Variants in DMRT1 observed in about 807,000 individuals in gnomAD.
The protein encoded by DMRT1 is doublesex- and mab-3-related transcription factor 1.
In DMRT1, 7 loss-of-function variants were observed where a neutral mutation model predicts 32.3. The observed-to-expected ratio is 0.22, with a 90% CI of 0.12 to 0.41. The LOEUF is 0.41. Ranked by LOEUF, DMRT1 falls within the 10% of genes least tolerant of loss-of-function variation. The probability of loss-of-function intolerance (pLI) is 1.00; values close to 1 mark genes in which losing one functional copy is unlikely to be tolerated. For synonymous variants in DMRT1, 278 were observed against 206.1 expected (o/e 1.35, Z -2.99); for missense variants, 625 against 500.5 (o/e 1.25, Z -2.37).
At chr9:919,850 A>G (rs964825904) in intron 4 of DMRT1, among the ~76,000 whole-genome samples, 1 of 152,210 alleles carries the variant, frequency 6.6e-6, no homozygotes, top group Non-Finnish European at 1.5e-5. Context: ...TATTTTAAAG[A>G]TAGAACCAAC....
rs1838698425 is a variant in DMRT1 at position 841,924 on chromosome 9, G to C, written c.86G>C (p.Gly29Ala). 1.3e-5 allele frequency: 21 copies of C among 1,607,284 alleles called. 1 individual carries two copies. Among genetic ancestry groups the C allele is most frequent in the Non-Finnish European group, 1.8e-5 (21 of 1,177,004 alleles). Residue 29 changes from glycine (G) to alanine (A), a missense_variant, in exon 1 of 5, where the codon GGG (glycine) becomes GCG (alanine). Gly to Ala is a moderately conservative substitution (Grantham distance 60). Coordinates refer to ENST00000382276, the MANE Select transcript of DMRT1 (RefSeq NM_021951.3). ...GGGGTACCGCCGCAGGGCAGAGCCG[G>C]GGGCTTTGGCAAAGCGTCTGGGGCG... ...APGVPPQGRA[G>A]GFGKASGALV... is the part of the protein sequence containing the mutation.
intron 4 of DMRT1, among the ~76,000 whole-genome samples, chr9:948,657 G>A (rs1282008450): frequency 1.3e-5 from 2 of 152,076 alleles, no homozygotes; most frequent in Non-Finnish European, 2.9e-5. Flanking sequence ...AGCTTACACT[G>A]TGTTGACTGA....
chr9:916,053 T>C (rs937358615), intron 3 of DMRT1, among the ~76,000 whole-genome samples: 10 of 152,174 alleles, frequency 6.6e-5, no homozygotes, highest in African/African-American at 2.4e-4. Flanking sequence ...TTAAATACTC[T>C]CCTTATATGA....
chr9:883,352 G>A (rs780919689), intron 2 of DMRT1, among the ~76,000 whole-genome samples: 3 of 151,988 alleles, frequency 2.0e-5, no homozygotes, highest in African/African-American at 4.8e-5. Flanking sequence ...CTACAGGAGC[G>A]ACACTAGTGA....
intron 2 of DMRT1, among the ~76,000 whole-genome samples, chr9:864,713 G>A (rs1173047671): frequency 6.7e-6 from 1 of 149,474 alleles, no homozygotes; most frequent in Non-Finnish European, 1.5e-5. Context: ...TGTTAGCCAG[G>A]ATGGTCTCCA....
intron 3 of DMRT1, among the ~76,000 whole-genome samples, chr9:911,160 G>A (rs532005811): frequency 6.6e-6 from 1 of 151,990 alleles, no homozygotes; most frequent in Non-Finnish European, 1.5e-5. Flanking sequence ...GGGAATTGTG[G>A]GACACTACAC....
intron 4 of DMRT1, among the ~76,000 whole-genome samples, chr9:928,977 A>G (rs1818620915): frequency 6.6e-6 from 1 of 151,822 alleles, no homozygotes; most frequent in African/African-American, 2.4e-5. Context: ...AGCTGGGACT[A>G]CAGGTGCATG....
chr9:957,212 T>C (rs1234273413), intron 4 of DMRT1, among the ~76,000 whole-genome samples: 3 of 152,224 alleles, frequency 2.0e-5, no homozygotes, highest in East Asian at 3.9e-4. Context: ...TGAGCTCACC[T>C]GTCCTGAAAC....
intron 4 of DMRT1, among the ~76,000 whole-genome samples, chr9:945,053 A>G (rs1819197976): frequency 6.6e-6 from 1 of 152,256 alleles, no homozygotes; most frequent in African/African-American, 2.4e-5. Flanking sequence ...AGTTTTATCC[A>G]CAAATTAGAT....
chr9:868,687 G>A (rs1564209697), intron 2 of DMRT1, among the ~76,000 whole-genome samples: 1 of 152,206 alleles, frequency 6.6e-6, no homozygotes. Flanking sequence ...GAATTGCAGA[G>A]TATACTTAAA....
intron 4 of DMRT1, among the ~76,000 whole-genome samples, chr9:942,410 A>C (rs1391634828): frequency 6.6e-6 from 1 of 152,122 alleles, no homozygotes; most frequent in Non-Finnish European, 1.5e-5. Context: ...AGTAGCTGGG[A>C]CTACAGGCGC....
At chr9:882,281 CTG>C (rs754963216) in intron 2 of DMRT1, among the ~76,000 whole-genome samples, 8 of 152,206 alleles carry the variant, frequency 5.3e-5, no homozygotes, top group Non-Finnish European at 1.2e-4. Flanking sequence ...TTGCATACCA[CTG>C]TGCCAGGAGC....
chr9:923,206 C>T (rs1044468412), intron 4 of DMRT1, among the ~76,000 whole-genome samples: 2 of 152,174 alleles, frequency 1.3e-5, no homozygotes, highest in African/African-American at 4.8e-5. Flanking sequence ...CCCAAGTTTG[C>T]AGGTGAGAAA....
intron 4 of DMRT1, among the ~76,000 whole-genome samples, chr9:939,151 C>T (rs1289228422): frequency 2.0e-5 from 3 of 152,256 alleles, no homozygotes; most frequent in African/African-American, 7.2e-5. Flanking sequence ...TTTAGTGGAT[C>T]CTGACCTAGC....
At chr9:872,098 G>A (rs1816292935) in intron 2 of DMRT1, among the ~76,000 whole-genome samples, 1 of 151,048 alleles carries the variant, frequency 6.6e-6, no homozygotes, top group Admixed American at 6.6e-5. Flanking sequence ...ATCTCACTCT[G>A]TCACCCAGGC....
At chr9:883,823 C>A (rs538252807) in intron 2 of DMRT1, among the ~76,000 whole-genome samples, 1 of 151,572 alleles carries the variant, frequency 6.6e-6, no homozygotes, top group Non-Finnish European at 1.5e-5. Context: ...AAACAACTTA[C>A]GCTTTTGCTA....
chr9:874,572 C>T (rs1386783100), intron 2 of DMRT1, among the ~76,000 whole-genome samples: 2 of 152,074 alleles, frequency 1.3e-5, no homozygotes, highest in African/African-American at 4.8e-5. Context: ...CCATAAACTC[C>T]CTGCTCCTAG....
intron 2 of DMRT1, among the ~76,000 whole-genome samples, chr9:880,277 T>G (rs1816678642): frequency 6.6e-6 from 1 of 152,192 alleles, no homozygotes; most frequent in African/African-American, 2.4e-5. Context: ...AGTCACACAG[T>G]TTTTAAAAAG....
chr9:956,297 A>G (rs1315876932), intron 4 of DMRT1, among the ~76,000 whole-genome samples: 1 of 152,222 alleles, frequency 6.6e-6, no homozygotes, highest in Non-Finnish European at 1.5e-5. Flanking sequence ...TTGTTGTTTA[A>G]TGGGTACAGA....
Sources: allele counts gnomAD v4.1 joint callset (sites outside exome capture counted in the v4.1 genomes callset), GRCh38; gene constraint gnomAD v4.1.1; transcripts MANE v1.5; gene names NCBI Gene and HGNC (gene_info 2026-07-23, HGNC 2026-07-21).